The following ATRX variants were observed in gnomAD, a reference collection of about 807,000 sequenced individuals.
The protein encoded by ATRX is ATRX chromatin remodeler, also known as chromatin remodeler ATRX.
Under a neutral mutation model 172.6 loss-of-function variants are expected in ATRX, and 12 were observed. That is an observed-to-expected ratio of 0.07 (90% CI 0.04 to 0.11). The LOEUF (loss-of-function observed/expected upper bound fraction) is 0.11. Among genes scored for constraint, ATRX ranks in the 10% least tolerant of loss-of-function variants. The pLI is 1.00. For synonymous variants in ATRX, 674 were observed against 594.7 expected, an observed-to-expected ratio of 1.13 and a Z score of -1.94; for missense variants, 1,368 against 1,767.4, an observed-to-expected ratio of 0.77 and a Z score of 4.05.
intron 22 of ATRX, among the ~76,000 whole-genome samples, chrX:77,612,803 G>T (rs182024379): frequency 9.0e-6 from 1 of 111,032 alleles, no homozygotes; most frequent in African/African-American, 3.3e-5. Flanking sequence ...TCTACTCGTA[G>T]AGTTTGGCTA....
intron 1 of ATRX, among the ~76,000 whole-genome samples, chrX:77,782,319 T>C (rs2076597167): frequency 8.9e-6 from 1 of 112,290 alleles, no homozygotes; most frequent in African/African-American, 3.2e-5. Context: ...AATCTCTCAA[T>C]TTAGACAACT....
intron 25 of ATRX, chrX:77,596,320 T>A (rs2066464642): frequency 9.0e-6 from 1 of 111,359 alleles, no homozygotes; most frequent in Non-Finnish European, 1.9e-5. Context: ...CTATTCAGAT[T>A]TTCTTATATT....
intron 1 of ATRX, among the ~76,000 whole-genome samples, chrX:77,724,238 C>A (rs1331501311): frequency 9.1e-6 from 1 of 109,596 alleles, no homozygotes; most frequent in Non-Finnish European, 1.9e-5. Context: ...GATCGCGCCA[C>A]TGCACTCCGG....
chrX:77,510,144 T>C, intron 34 of ATRX, among the ~76,000 whole-genome samples: 1 of 112,040 alleles, frequency 8.9e-6, no homozygotes, highest in Non-Finnish European at 1.9e-5. Flanking sequence ...GAGGCCCTTG[T>C]TCCAGGCCCT....
intron 15 of ATRX, among the ~76,000 whole-genome samples, chrX:77,645,167 A>T (rs2068849281): frequency 8.9e-6 from 1 of 111,738 alleles, no homozygotes; most frequent in African/African-American, 3.3e-5. Context: ...AAAAATAGAC[A>T]CAGCATCTCA....
intron 1 of ATRX, among the ~76,000 whole-genome samples, chrX:77,757,523 G>A (rs932735948): frequency 3.6e-5 from 4 of 111,558 alleles, no homozygotes; most frequent in Non-Finnish European, 5.6e-5. Flanking sequence ...TCTCTAAATA[G>A]ATAATAAATA....
chrX:77,728,755 TTTTCTTTTC>T (rs1196214050), intron 1 of ATRX, among the ~76,000 whole-genome samples: 1 of 54,718 alleles, frequency 1.8e-5, no homozygotes, highest in African/African-American at 6.1e-5. Context: ...ATTTCTTTTC[TTTTCTTTTC>T]TTTTTTTTTT....
intron 16 of ATRX, 104 bp from the exon 17 acceptor site, chrX:77,634,807 T>TA (rs1434623898): frequency 4.5e-6 from 3 of 667,809 alleles, no homozygotes; most frequent in East Asian, 3.2e-5. Flanking sequence ...GAAACAGCAT[T>TA]AAAAAAACAC....
chrX:77,664,232 C>A (rs2070101573), intron 11 of ATRX, among the ~76,000 whole-genome samples: 2 of 111,654 alleles, frequency 1.8e-5, no homozygotes, highest in South Asian at 7.4e-4. Context: ...ACTCTAAATA[C>A]AAGTATTAAG....
At chrX:77,629,741 A>T (rs1172339780) in intron 19 of ATRX, among the ~76,000 whole-genome samples, 1 of 111,883 alleles carries the variant, frequency 8.9e-6, no homozygotes, top group Non-Finnish European at 1.9e-5. Context: ...AGAAATCCAC[A>T]GCTAATGTCA....
intron 30 of ATRX, among the ~76,000 whole-genome samples, chrX:77,544,745 A>G (rs1167159987): frequency 9.1e-5 from 10 of 110,382 alleles, no homozygotes; most frequent in African/African-American, 3.3e-4. Flanking sequence ...AAGGACATGA[A>G]CTCATCATTT....
chrX:77,543,084 G>A (rs782319159), intron 30 of ATRX, among the ~76,000 whole-genome samples: 25 of 111,242 alleles, frequency 2.2e-4, no homozygotes, highest in Admixed American at 7.7e-4. Flanking sequence ...GCTAATATCC[G>A]GAATCTACAA....
intron 2 of ATRX, among the ~76,000 whole-genome samples, chrX:77,701,330 G>T (rs1557153335): frequency 9.1e-6 from 1 of 110,399 alleles, no homozygotes. Flanking sequence ...TGACCAATAT[G>T]ATGAAACCCT....
chrX:77,701,405 G>A (rs1255094841), intron 2 of ATRX, among the ~76,000 whole-genome samples: 5 of 109,782 alleles, frequency 4.6e-5, no homozygotes, highest in Non-Finnish European at 7.6e-5. Flanking sequence ...CTAGCTACTC[G>A]GGAGGCTGAG....
intron 1 of ATRX, among the ~76,000 whole-genome samples, chrX:77,730,778 G>A: frequency 9.0e-6 from 1 of 111,362 alleles, no homozygotes; most frequent in East Asian, 2.8e-4. Flanking sequence ...AAAATTCATT[G>A]AAACAAATGA....
At chrX:77,567,708 C>A (rs1030153683) in intron 28 of ATRX, among the ~76,000 whole-genome samples, 2 of 109,841 alleles carry the variant, frequency 1.8e-5, no homozygotes, top group Admixed American at 9.7e-5. Flanking sequence ...AGAACCTCAT[C>A]GAAAAACAAA....
At chrX:77,584,782 G>T (rs782585349) in intron 27 of ATRX, among the ~76,000 whole-genome samples, 2 of 111,091 alleles carry the variant, frequency 1.8e-5, no homozygotes, top group Admixed American at 1.9e-4. Flanking sequence ...ACAAGCAGAG[G>T]CAACAAAAGC....
intron 28 of ATRX, among the ~76,000 whole-genome samples, chrX:77,573,135 G>GT (rs2065476773): frequency 9.0e-6 from 1 of 111,580 alleles, no homozygotes; most frequent in Non-Finnish European, 1.9e-5. Flanking sequence ...ATAATGTGTT[G>GT]GTCAATAACA....
intron 1 of ATRX, among the ~76,000 whole-genome samples, chrX:77,733,207 T>C (rs1333174958): frequency 8.0e-5 from 9 of 111,825 alleles, no homozygotes; most frequent in African/African-American, 2.9e-4. Context: ...GAATCAATAT[T>C]GTTAAACTGT....
Sources: allele counts gnomAD v4.1 joint callset (sites outside exome capture counted in the v4.1 genomes callset), GRCh38; gene constraint gnomAD v4.1.1; transcripts MANE v1.5; gene names NCBI Gene and HGNC (gene_info 2026-07-23, HGNC 2026-07-21).